The following AFG2A variants were observed in gnomAD, a reference collection of about 807,000 sequenced individuals.
AFG2A encodes ATPase family gene 2 protein homolog A.
At chr4:123,246,187 T>A in the AFG2A span, among the ~76,000 whole-genome samples, 1 of 152,162 alleles carries the variant, frequency 6.6e-6, no homozygotes, top group African/African-American at 2.4e-5. Flanking sequence ...CACAATGGAG[T>A]GGCATTGTCA....
chr4:122,988,339 T>C, the AFG2A span, among the ~76,000 whole-genome samples: 1 of 147,808 alleles, frequency 6.8e-6, no homozygotes, highest in Admixed American at 6.6e-5. Flanking sequence ...GAACTCCAAA[T>C]ACACTAAAAC....
chr4:123,016,414 T>C, the AFG2A span, among the ~76,000 whole-genome samples: 1 of 149,422 alleles, frequency 6.7e-6, no homozygotes, highest in Non-Finnish European at 1.5e-5. Flanking sequence ...ACAGGGCGGC[T>C]GGGCAGAGAC....
the AFG2A span, among the ~76,000 whole-genome samples, chr4:123,171,348 T>C: frequency 2.0e-5 from 3 of 152,234 alleles, no homozygotes; most frequent in African/African-American, 7.2e-5. Context: ...TATACATTTG[T>C]TCTATGTAAT....
At chr4:123,006,863 A>G in the AFG2A span, among the ~76,000 whole-genome samples, 3 of 148,620 alleles carry the variant, frequency 2.0e-5, no homozygotes, top group African/African-American at 5.0e-5. Context: ...CTTTCTCCTT[A>G]CGGGTATATT....
At chr4:123,246,473 A>G in the AFG2A span, among the ~76,000 whole-genome samples, 1 of 152,170 alleles carries the variant, frequency 6.6e-6, no homozygotes. Context: ...TGAGATAAGG[A>G]CCAAACTCCT....
chr4:123,264,806 G>C, the AFG2A span, among the ~76,000 whole-genome samples: 1 of 152,080 alleles, frequency 6.6e-6, no homozygotes, highest in Admixed American at 6.6e-5. Flanking sequence ...CTTGTAATAA[G>C]GGGATAGGAA....
At chr4:123,174,498 G>T in the AFG2A span, among the ~76,000 whole-genome samples, 8 of 152,078 alleles carry the variant, frequency 5.3e-5, no homozygotes, top group Non-Finnish European at 1.0e-4. Context: ...AGTCTATTTT[G>T]AAATGTATCA....
the AFG2A span, among the ~76,000 whole-genome samples, chr4:123,300,217 GA>G: frequency 3.5e-4 from 53 of 152,046 alleles, no homozygotes; most frequent in Admixed American, 6.5e-4. Context: ...ATCAGAAGAG[GA>G]AAAAAATGCA....
the AFG2A span, among the ~76,000 whole-genome samples, chr4:123,079,038 T>A: frequency 6.6e-6 from 1 of 152,236 alleles, no homozygotes; most frequent in African/African-American, 2.4e-5. Flanking sequence ...ATGAGGGGAA[T>A]GGTGTTAGGA....
chr4:123,080,910 A>G, the AFG2A span, among the ~76,000 whole-genome samples: 1 of 152,112 alleles, frequency 6.6e-6, no homozygotes, highest in African/African-American at 2.4e-5. Context: ...GACATCAATA[A>G]TACTCTTAAA....
chr4:123,062,498 A>G, the AFG2A span, among the ~76,000 whole-genome samples: 1,778 of 152,196 alleles, frequency 0.012, 54 homozygotes, highest in South Asian at 0.11. Context: ...AACATAGTCA[A>G]TGTTGTTACT....
At chr4:123,178,650 C>A in the AFG2A span, among the ~76,000 whole-genome samples, 1 of 152,012 alleles carries the variant, frequency 6.6e-6, no homozygotes, top group Non-Finnish European at 1.5e-5. Context: ...TGTAGAAATT[C>A]CATGTTTGTT....
the AFG2A span, among the ~76,000 whole-genome samples, chr4:123,131,232 T>C: frequency 6.6e-6 from 1 of 152,132 alleles, no homozygotes; most frequent in African/African-American, 2.4e-5. Context: ...AAAATTTTAG[T>C]TTTGAAGAAG....
the AFG2A span, among the ~76,000 whole-genome samples, chr4:122,987,219 C>G: frequency 6.6e-6 from 1 of 152,118 alleles, no homozygotes; most frequent in Non-Finnish European, 1.5e-5. Context: ...CAAAATAGAG[C>G]TGAAGACTCT....
At chr4:123,175,483 TG>T in the AFG2A span, among the ~76,000 whole-genome samples, 1 of 152,166 alleles carries the variant, frequency 6.6e-6, no homozygotes, top group Non-Finnish European at 1.5e-5. Context: ...AAAAATCAGT[TG>T]GTAAATCAAA....
At chr4:123,078,792 A>G in the AFG2A span, among the ~76,000 whole-genome samples, 1 of 152,164 alleles carries the variant, frequency 6.6e-6, no homozygotes, top group Non-Finnish European at 1.5e-5. Flanking sequence ...ATGGTTACCC[A>G]TGGGTAATCT....
chr4:122,956,003 G>C, the AFG2A span, among the ~76,000 whole-genome samples: 4 of 152,102 alleles, frequency 2.6e-5, no homozygotes, highest in Non-Finnish European at 4.4e-5. Flanking sequence ...TTGCTGTGTA[G>C]GTGTTGCTCT....
the AFG2A span, among the ~76,000 whole-genome samples, chr4:123,066,417 A>AT: frequency 2.0e-5 from 3 of 152,192 alleles, no homozygotes; most frequent in African/African-American, 7.2e-5. Context: ...TAAATGGAAA[A>AT]GTTCTTAGAA....
chr4:122,968,375 C>A, the AFG2A span, among the ~76,000 whole-genome samples: 1 of 152,144 alleles, frequency 6.6e-6, no homozygotes, highest in African/African-American at 2.4e-5. Context: ...ACTTGTGTAA[C>A]CACCACTCAG....
Sources: allele counts gnomAD v4.1 joint callset (sites outside exome capture counted in the v4.1 genomes callset), GRCh38; gene constraint gnomAD v4.1.1; transcripts MANE v1.5; gene names NCBI Gene and HGNC (gene_info 2026-07-23, HGNC 2026-07-21).